The following CNNM2 variants were observed in gnomAD, a reference collection of about 807,000 sequenced individuals.
CNNM2 encodes metal transporter CNNM2.
CNNM2 carries 12 observed loss-of-function variants against 66.9 expected under a neutral mutation model. That is an observed-to-expected ratio of 0.18 (90% CI 0.11 to 0.29). The LOEUF is 0.29. Ranked by LOEUF, CNNM2 falls within the 10% of genes least tolerant of loss-of-function variation. The probability of loss-of-function intolerance (pLI) is 1.00; values close to 1 mark genes in which losing one functional copy is unlikely to be tolerated. For missense variants in CNNM2, 705 were observed against 1,167.7 expected (o/e 0.60, Z 5.77); for synonymous variants, 557 against 501.8 (o/e 1.11, Z -1.47).
chr10:103,014,247 G>A (rs1411714163), intron 1 of CNNM2, among the ~76,000 whole-genome samples: 1 of 152,196 alleles, frequency 6.6e-6, no homozygotes, highest in Non-Finnish European at 1.5e-5. Flanking sequence ...ACAAGACGTT[G>A]TCCTTGCCCT....
intron 1 of CNNM2, among the ~76,000 whole-genome samples, chr10:102,925,024 C>T (rs927286772): frequency 4.0e-5 from 6 of 151,880 alleles, no homozygotes; most frequent in African/African-American, 1.2e-4. Flanking sequence ...GGGCTGGGTG[C>T]GGTGGCTCAC....
At chr10:103,020,973 G>A (rs1344366629) in intron 1 of CNNM2, among the ~76,000 whole-genome samples, 1 of 152,182 alleles carries the variant, frequency 6.6e-6, no homozygotes, top group African/African-American at 2.4e-5. Flanking sequence ...TCATAGAAGA[G>A]AGTGACTAAG....
Position 103,066,606 on chromosome 10 carries a change from G to C in CNNM2, c.2074-2023G>C, listed in dbSNP as rs2065482347. Among the ~76,000 whole-genome samples, 5 of 152,336 alleles carry C rather than the reference G, an allele frequency of 3.3e-5. No homozygotes were observed. The South Asian group carries it at 1.0e-3, about 32-fold the overall frequency. On this transcript the variant is annotated intron_variant, in intron 4 of 7. Coordinates refer to ENST00000369878, the MANE Select transcript of CNNM2 (RefSeq NM_017649.5). ...CCTGGCCGGCCGCTGCCGCCACCCTGGGCCTCCCTCATGCTGTCCCTTTCT... is the reference window on the plus strand; with the variant it reads ...CCTGGCCGGCCGCTGCCGCCACCCTCGGCCTCCCTCATGCTGTCCCTTTCT...
chr10:103,076,684 A>G (rs2065697759), intron 7 of CNNM2, among the ~76,000 whole-genome samples: 1 of 152,226 alleles, frequency 6.6e-6, no homozygotes, highest in Admixed American at 6.5e-5. Flanking sequence ...TCTTGGTCTG[A>G]AATAAAGATG....
At chr10:103,000,027 G>A (rs1385000498) in intron 1 of CNNM2, among the ~76,000 whole-genome samples, 1 of 152,092 alleles carries the variant, frequency 6.6e-6, no homozygotes, top group East Asian at 1.9e-4. Flanking sequence ...CCTGAGGTCA[G>A]GAGTTCCAGA....
intron 1 of CNNM2, among the ~76,000 whole-genome samples, chr10:103,035,755 A>C (rs2134309150): frequency 6.6e-6 from 1 of 152,254 alleles, no homozygotes; most frequent in South Asian, 2.1e-4. Context: ...TTGTTTGTTT[A>C]TTGCCTGGAA....
chr10:102,931,529 G>A (rs1846065067), intron 1 of CNNM2, among the ~76,000 whole-genome samples: 1 of 151,942 alleles, frequency 6.6e-6, no homozygotes, highest in Admixed American at 6.6e-5. Flanking sequence ...GGCTAATTTT[G>A]TATTTTTAGT....
In CNNM2 at chr10:103,003,985, AT is replaced by A. The variant is rs869152743; in HGVS notation, c.1622-45696del. Reference sequence around the variant, plus strand: ...TGCTGAGTAGTACTCCATTGCATGAATTTTTTTTTTTTTTTTTTTTTTTTTT... The same window carrying A: ...TGCTGAGTAGTACTCCATTGCATGAATTTTTTTTTTTTTTTTTTTTTTTTT... On this transcript the variant is annotated intron_variant, in intron 1 of 7. Transcript: ENST00000369878. Among the ~76,000 whole-genome samples, 1,713 of 83,836 alleles carry A rather than the reference AT, an allele frequency of 0.02. 2 individuals are homozygous for A. Among genetic ancestry groups the A allele is most frequent in the Admixed American group, 0.049 (317 of 6,462 alleles). The allele number at this position is 83,836 out of a possible 152,430, so 55.0% of individuals were successfully genotyped here.
At chr10:103,072,470 A>G (rs957925673) in intron 6 of CNNM2, among the ~76,000 whole-genome samples, 1 of 144,376 alleles carries the variant, frequency 6.9e-6, no homozygotes, top group South Asian at 2.2e-4. Context: ...CAGGCAGGCG[A>G]CCCCGCTTCT....
chr10:103,041,131 G>C (rs1451459952), intron 1 of CNNM2, among the ~76,000 whole-genome samples: 6 of 152,056 alleles, frequency 3.9e-5, no homozygotes, highest in African/African-American at 1.4e-4. Context: ...AACCTACTTA[G>C]CCCCTCCTCT....
chr10:102,988,519 A>G (rs2063838731), intron 1 of CNNM2, among the ~76,000 whole-genome samples: 1 of 152,162 alleles, frequency 6.6e-6, no homozygotes, highest in Non-Finnish European at 1.5e-5. Context: ...CATTTTAAGA[A>G]TCTTATACAA....
rs982338877 is a variant in CNNM2, at chr10:102,919,098, G to T, written c.618G>T (p.Gly206=). The T allele has an allele frequency of 6.2e-7, 1 of 1,611,320 alleles. No homozygotes were observed. The highest frequency in any genetic ancestry group is 8.5e-7 in the Non-Finnish European group (1 of 1,179,140). ...STPALGAGGS[G]STGGAVGGKG... is the part of the protein sequence containing the mutation. ...CCGCCCTGGGCGCCGGCGGCTCGGG[G>T]TCCACGGGTGGCGCCGTCGGGGGCA... Residue 206 remains glycine, a synonymous_variant, in exon 1 of 8, where the codon GGG becomes GGT. Coordinates refer to ENST00000369878, the MANE Select transcript of CNNM2 (RefSeq NM_017649.5).
intron 1 of CNNM2, among the ~76,000 whole-genome samples, chr10:102,963,186 G>A (rs1298968865): frequency 6.6e-6 from 1 of 152,152 alleles, no homozygotes; most frequent in Non-Finnish European, 1.5e-5. Context: ...TAAGTGATAT[G>A]AGTAAGTAAA....
chr10:102,931,098 G>A (rs1481602905), intron 1 of CNNM2, among the ~76,000 whole-genome samples: 3 of 152,116 alleles, frequency 2.0e-5, no homozygotes, highest in Non-Finnish European at 4.4e-5. Context: ...CATGTTATTG[G>A]GGTGAGTTCT....
intron 1 of CNNM2, among the ~76,000 whole-genome samples, chr10:102,961,298 T>C (rs2063375582): frequency 6.6e-6 from 1 of 152,208 alleles, no homozygotes; most frequent in African/African-American, 2.4e-5. Flanking sequence ...TGGTAATGTA[T>C]CGTTGAGTAA....
At chr10:103,070,064 GC>G (rs2065549511) in intron 5 of CNNM2, among the ~76,000 whole-genome samples, 5 of 152,288 alleles carry the variant, frequency 3.3e-5, no homozygotes, top group African/African-American at 4.8e-5. Context: ...TGCCCCAAAT[GC>G]CCCTTCTCAC....
chr10:102,934,599 T>C (rs948283350), intron 1 of CNNM2, among the ~76,000 whole-genome samples: 3 of 152,048 alleles, frequency 2.0e-5, no homozygotes, highest in African/African-American at 7.2e-5. Context: ...CGGCCAAATC[T>C]ATTTCTTTCT....
chr10:103,009,700 T>TATATTGG (rs1218526113), intron 1 of CNNM2, among the ~76,000 whole-genome samples: 4 of 93,470 alleles, frequency 4.3e-5, no homozygotes, highest in African/African-American at 1.6e-4. Context: ...AAAAAAAAAG[T>TATATTGG]ATATTGGGAG....
intron 1 of CNNM2, among the ~76,000 whole-genome samples, chr10:103,033,664 T>C (rs898001681): frequency 1.3e-5 from 2 of 152,038 alleles, no homozygotes; most frequent in African/African-American, 4.8e-5. Context: ...CTATTTTTGG[T>C]TGGTAGAGAT....
Sources: allele counts gnomAD v4.1 joint callset (sites outside exome capture counted in the v4.1 genomes callset), GRCh38; gene constraint gnomAD v4.1.1; transcripts MANE v1.5; gene names NCBI Gene and HGNC (gene_info 2026-07-23, HGNC 2026-07-21).